Variants in PTBP3 observed in about 807,000 individuals in gnomAD.
PTBP3 encodes polypyrimidine tract-binding protein 3.
A neutral mutation model predicts 58.7 loss-of-function variants in PTBP3; 20 were observed. That is an observed-to-expected ratio of 0.34 (90% CI 0.24 to 0.50). The LOEUF is 0.50. PTBP3 is among the 20% of genes least tolerant of loss of function. The pLI is 0.98. For synonymous variants in PTBP3, 185 were observed against 219.8 expected, an observed-to-expected ratio of 0.84 and a Z score of 1.40; for missense variants, 509 against 637.2, an observed-to-expected ratio of 0.80 and a Z score of 2.17.
chr9:112,365,992 C>T, the PTBP3 span, among the ~76,000 whole-genome samples: 2 of 152,084 alleles, frequency 1.3e-5, no homozygotes, highest in Non-Finnish European at 2.9e-5. Flanking sequence ...AAGCCAGCTG[C>T]AGAAATTTGC....
intron 3 of PTBP3, among the ~76,000 whole-genome samples, 185 bp downstream of exon 3, chr9:112,275,659 G>T (rs1827577436): frequency 6.6e-6 from 1 of 152,070 alleles, no homozygotes; most frequent in Admixed American, 6.6e-5. Context: ...GAGAAATCCT[G>T]TTTCCTGTGT....
intron 12 of PTBP3, among the ~76,000 whole-genome samples, chr9:112,225,913 C>T (rs935166455): frequency 5.9e-5 from 9 of 151,874 alleles, no homozygotes; most frequent in Admixed American, 3.3e-4. Context: ...CTGGGCATGC[C>T]GACACCTGTA....
In PTBP3 at chr9:112,297,237, C is replaced by T. The variant is rs550241758; in HGVS notation, c.34+595G>A. On this transcript the variant is annotated intron_variant, in intron 2 of 13. Coordinates refer to ENST00000374257, the MANE Select transcript of PTBP3 (RefSeq NM_001163788.4). The stretch of plus-strand genomic sequence containing the variant: ...TTTTTGTTTTTGAGATGGAGTCTCG[C>T]TCTGTCCCCCAGGCTGAAGTGCAAT... 2.6e-5 allele frequency among the ~76,000 whole-genome samples: 4 copies of T among 152,316 alleles called. No homozygotes were observed. In the East Asian group the frequency reaches 7.7e-4, roughly 29 times the overall value.
intron 3 of PTBP3, among the ~76,000 whole-genome samples, chr9:112,274,440 T>A (rs560040829): frequency 6.6e-6 from 1 of 152,162 alleles, no homozygotes; most frequent in Non-Finnish European, 1.5e-5. Context: ...ATAAACAGTA[T>A]AAAAGATTTT....
At chr9:112,245,618 T>C (rs1333831837) in intron 7 of PTBP3, among the ~76,000 whole-genome samples, 1 of 152,176 alleles carries the variant, frequency 6.6e-6, no homozygotes, top group African/African-American at 2.4e-5. Context: ...TGTTTAGGTA[T>C]TGATTTTTAA....
chr9:112,367,041 A>G, the PTBP3 span, among the ~76,000 whole-genome samples: 1 of 152,332 alleles, frequency 6.6e-6, no homozygotes, highest in South Asian at 2.1e-4. Context: ...TGTGGTTACC[A>G]TGAGCCTAAC....
At position 112,220,444 on chromosome 9, in the gene PTBP3, TA is replaced by T; in HGVS notation, c.*3406del. ...TTCATAGGAGCCACTTCTCATCAAC[TA>T]AAACAGAACCCATGATTATCATACT... On this transcript the variant is annotated 3_prime_UTR_variant, in exon 14 of 14. Coordinates refer to ENST00000374257, the MANE Select transcript of PTBP3 (RefSeq NM_001163788.4). The T allele has an allele frequency of 2.6e-6, 3 of 1,156,448 alleles. No individual in the cohort carries two copies. The highest frequency in any genetic ancestry group is 3.2e-6 in the Non-Finnish European group (3 of 926,224). 71.6% of individuals were successfully genotyped at this position (1,156,448 alleles called of 1,614,324 possible). A position where few individuals can be genotyped will look rare whatever the true frequency, so the allele number is the denominator to read the frequency against.
chr9:112,315,004 TG>T (rs1171016850), intron 1 of PTBP3, among the ~76,000 whole-genome samples: 1 of 152,096 alleles, frequency 6.6e-6, no homozygotes, highest in African/African-American at 2.4e-5. Flanking sequence ...GCTAATTTTT[TG>T]TATTTTTAGT....
intron 1 of PTBP3, 38 bp downstream of exon 1, chr9:112,333,432 G>A (rs1830468577): frequency 1.9e-6 from 3 of 1,568,002 alleles, no homozygotes; most frequent in Non-Finnish European, 2.6e-6. Flanking sequence ...GCGGCGCCAA[G>A]GCAACCCGGT....
chr9:112,350,038 T>C, the PTBP3 span, among the ~76,000 whole-genome samples: 3 of 148,986 alleles, frequency 2.0e-5, no homozygotes, highest in East Asian at 5.9e-4. Flanking sequence ...CCTCAGATGG[T>C]TTTTTTTTTA....
the PTBP3 span, among the ~76,000 whole-genome samples, chr9:112,365,164 CTATCTATG>C: frequency 0.058 from 5,015 of 86,022 alleles, 196 homozygotes; most frequent in African/African-American, 0.13. Context: ...GTCTATCTAT[CTATCTATG>C]TATCTATATA....
intron 7 of PTBP3, among the ~76,000 whole-genome samples, chr9:112,240,305 T>C (rs1262628091): frequency 6.6e-6 from 1 of 152,172 alleles, no homozygotes; most frequent in Non-Finnish European, 1.5e-5. Flanking sequence ...TGTATATCTA[T>C]CTATGTACAA....
intron 1 of PTBP3, among the ~76,000 whole-genome samples, chr9:112,325,197 C>T (rs146692498): frequency 3.3e-5 from 5 of 152,238 alleles, no homozygotes; most frequent in Non-Finnish European, 5.9e-5. Context: ...GGAGAACCTT[C>T]GACCTGCCCA....
At chr9:112,297,402 G>A (rs1319204246) in intron 2 of PTBP3, among the ~76,000 whole-genome samples, 1 of 151,918 alleles carries the variant, frequency 6.6e-6, no homozygotes, top group East Asian at 1.9e-4. Context: ...ACGGGGTTTC[G>A]CCATGTTGGC....
chr9:112,367,441 T>G, the PTBP3 span, among the ~76,000 whole-genome samples: 1 of 152,168 alleles, frequency 6.6e-6, no homozygotes, highest in Non-Finnish European at 1.5e-5. Context: ...TGTTTTGGGT[T>G]TTTTTGTTTT....
intron 2 of PTBP3, among the ~76,000 whole-genome samples, chr9:112,287,021 G>A (rs549681989): frequency 1.3e-5 from 2 of 151,878 alleles, no homozygotes; most frequent in Admixed American, 6.6e-5. Context: ...CCCCTCATCC[G>A]TCTCCACCAA....
chr9:112,335,608 T>C (rs1198198320), upstream of PTBP3, among the ~76,000 whole-genome samples: 2 of 144,616 alleles, frequency 1.4e-5, no homozygotes, highest in African/African-American at 5.0e-5. Flanking sequence ...TCTTTTTTTT[T>C]TTTTTTTTTT....
intron 1 of PTBP3, among the ~76,000 whole-genome samples, chr9:112,327,149 A>G (rs1020761164): frequency 2.0e-5 from 3 of 151,940 alleles, no homozygotes; most frequent in Admixed American, 2.0e-4. Flanking sequence ...GAATGCAGTG[A>G]GCCATGATTG....
At position 112,222,373 on chromosome 9, in the gene PTBP3, C is replaced by A. The variant is rs935995662; in HGVS notation, c.*1478G>T. ...AACCCACCTTCTCATACTCCAAATACGTGGGTACTCAGTAATGAAAGTCAC... is the reference window on the plus strand; with the variant it reads ...AACCCACCTTCTCATACTCCAAATAAGTGGGTACTCAGTAATGAAAGTCAC... On this transcript the variant is annotated 3_prime_UTR_variant, in exon 14 of 14. Coordinates refer to ENST00000374257, the MANE Select transcript of PTBP3 (RefSeq NM_001163788.4). The A allele has an allele frequency of 3.9e-5, 38 of 985,616 alleles. No homozygotes were observed. The African/African-American group carries it at 5.9e-4, about 15-fold the overall frequency. The allele number at this position is 985,616 out of a possible 1,614,324, so 61.1% of individuals were successfully genotyped here.
Sources: gnomAD v4.1 joint callset for allele counts (sites outside exome capture counted in the v4.1 genomes callset) on GRCh38, gnomAD v4.1.1 for gene constraint, MANE v1.5 for transcripts, NCBI Gene and HGNC (gene_info 2026-07-23, HGNC 2026-07-21) for gene names.